The following ARHGEF38 variants were observed in gnomAD, a reference collection of about 807,000 sequenced individuals.
ARHGEF38 encodes Rho guanine nucleotide exchange factor (GEF) 38.
In ARHGEF38, 79 loss-of-function variants were observed where a neutral mutation model predicts 79.9. That is an observed-to-expected ratio of 0.99 (90% CI 0.82 to 1.19). ARHGEF38 has a LOEUF of 1.19. Ranked by LOEUF, ARHGEF38 falls within the 50% of genes most tolerant of loss-of-function variation. ARHGEF38 has a pLI of 0.00. For synonymous variants in ARHGEF38, 366 were observed against 328.3 expected (o/e 1.11, Z -1.24); for missense variants, 962 against 907.2 (o/e 1.06, Z -0.78).
intron 1 of ARHGEF38, among the ~76,000 whole-genome samples, chr4:105,554,954 T>C (rs889662109): frequency 9.2e-5 from 14 of 152,112 alleles, no homozygotes; most frequent in African/African-American, 3.4e-4. Flanking sequence ...GTTTTTTCTG[T>C]CTGAGTTTCA....
chr4:105,653,199 G>A (rs1408663648), intron 7 of ARHGEF38, among the ~76,000 whole-genome samples: 2 of 151,684 alleles, frequency 1.3e-5, no homozygotes, highest in Non-Finnish European at 2.9e-5. Context: ...CATGTAAGAT[G>A]ACAAAAAAAA....
chr4:105,679,595 T>C lies in ARHGEF38; in HGVS notation c.*1658T>C, dbSNP rs1731241045. 3 of 913,782 alleles carry C rather than the reference T, an allele frequency of 3.3e-6. No individual in the cohort carries two copies. The highest frequency in any genetic ancestry group is 1.3e-5 in the South Asian group (1 of 76,928). 56.6% of individuals were successfully genotyped at this position (913,782 alleles called of 1,614,324 possible). A position where few individuals can be genotyped will look rare whatever the true frequency, so the allele number is the denominator to read the frequency against. The stretch of plus-strand genomic sequence containing the variant: ...TCTCTTCTATCAGTATCTGAGCTGA[T>C]GGTTGGAAAAAAATCAACAGCAGCA... On this transcript the variant is annotated 3_prime_UTR_variant, in exon 14 of 14. Coordinates refer to ENST00000420470, the MANE Select transcript of ARHGEF38 (RefSeq NM_001242729.2).
chr4:105,645,399 C>T lies in ARHGEF38; in HGVS notation c.874+12C>T, dbSNP rs757288470. On this transcript the variant is annotated intron_variant, in intron 6 of 13. Coordinates refer to ENST00000420470, the MANE Select transcript of ARHGEF38 (RefSeq NM_001242729.2). ...AAGGAAAGATTTAGGTAGGAAGAGA[C>T]ATGATGAATTGGTTGTTTTCCATTA... 2.5e-5 allele frequency: 37 copies of T among 1,500,710 alleles called. No individual in the cohort carries two copies. The South Asian group carries it at 4.5e-4, about 18-fold the overall frequency. 93.0% of individuals were successfully genotyped at this position (1,500,710 alleles called of 1,614,324 possible). A position where few individuals can be genotyped will look rare whatever the true frequency, so the allele number is the denominator to read the frequency against.
chr4:105,552,755 C>A lies in ARHGEF38; in HGVS notation c.-11C>A. On this transcript the variant is annotated 5_prime_UTR_variant, in exon 1 of 14. Transcript: ENST00000420470. ...TTGCCTGCAAGCCTCCAAAGCTTGT[C>A]TTTGCCTAATATGGAGCCCAAAGAA... The A allele has an allele frequency of 1.3e-6, 2 of 1,599,664 alleles. No individual in the cohort carries two copies. The highest frequency in any genetic ancestry group is 1.1e-5 in the South Asian group (1 of 88,184).
chr4:105,642,828 A>T (rs569023395), intron 5 of ARHGEF38, among the ~76,000 whole-genome samples: 2 of 152,300 alleles, frequency 1.3e-5, no homozygotes, highest in South Asian at 4.1e-4. Context: ...ATGTTTGATT[A>T]TATTTTGATA....
chr4:105,603,797 C>T (rs72669982), intron 2 of ARHGEF38, among the ~76,000 whole-genome samples: 9,214 of 152,196 alleles, frequency 0.061, 302 homozygotes, highest in Middle Eastern at 0.12. Context: ...CCATCACTTT[C>T]CTACTGCCAC....
intron 4 of ARHGEF38, among the ~76,000 whole-genome samples, chr4:105,635,315 C>T (rs1388134185): frequency 6.6e-6 from 1 of 152,020 alleles, no homozygotes. Flanking sequence ...AGTGCCACTA[C>T]TCCACAGATT....
At chr4:105,639,234 A>AT (rs561292346) in intron 5 of ARHGEF38, among the ~76,000 whole-genome samples, 6 of 151,900 alleles carry the variant, frequency 3.9e-5, no homozygotes, top group Non-Finnish European at 7.4e-5. Context: ...TGAGATGTTC[A>AT]TTTTTTCTAA....
intron 13 of ARHGEF38, among the ~76,000 whole-genome samples, chr4:105,675,810 C>T (rs946084002): frequency 6.6e-6 from 1 of 152,126 alleles, no homozygotes; most frequent in Admixed American, 6.5e-5. Flanking sequence ...TCTCATTGGG[C>T]CCTCACATGG....
chr4:105,580,477 A>G (rs1468362153), intron 1 of ARHGEF38, among the ~76,000 whole-genome samples: 1 of 152,118 alleles, frequency 6.6e-6, no homozygotes, highest in African/African-American at 2.4e-5. Flanking sequence ...TATTTACCCA[A>G]AAGTCATTCA....
intron 2 of ARHGEF38, among the ~76,000 whole-genome samples, chr4:105,604,931 A>T (rs538359461): frequency 2.0e-4 from 30 of 152,160 alleles, no homozygotes; most frequent in Non-Finnish European, 4.0e-4. Flanking sequence ...TTTCCAAATT[A>T]CTTTCTCTAT....
At chr4:105,553,058 A>G in intron 1 of ARHGEF38, 97 bp downstream of exon 1, 2 of 903,784 alleles carry the variant, frequency 2.2e-6, no homozygotes, top group South Asian at 4.0e-5. Context: ...GCAGAGGGGA[A>G]AATTGAATAC....
At chr4:105,655,530 T>C in intron 8 of ARHGEF38, 73 bp from the exon 9 acceptor site, 1 of 1,451,584 alleles carries the variant, frequency 6.9e-7, no homozygotes. Context: ...GCTGATGAAG[T>C]CCACATTTGG....
chr4:105,571,753 C>T (rs934159728), intron 1 of ARHGEF38, among the ~76,000 whole-genome samples: 9 of 152,166 alleles, frequency 5.9e-5, no homozygotes, highest in African/African-American at 1.9e-4. Flanking sequence ...TGTTCCTTTT[C>T]GAATTGGCAG....
chr4:105,632,423 C>T (rs1398732089), intron 4 of ARHGEF38, among the ~76,000 whole-genome samples: 2 of 152,060 alleles, frequency 1.3e-5, no homozygotes, highest in Non-Finnish European at 2.9e-5. Context: ...GAGCAAGTAG[C>T]TCTAGTTAAT....
chr4:105,679,225 G>C lies in ARHGEF38; in HGVS notation c.*1288G>C, dbSNP rs1377206198. On this transcript the variant is annotated 3_prime_UTR_variant, in exon 14 of 14. Transcript: ENST00000420470. ...GCCACTCCTCTGTCTGGAATTAAAA[G>C]ATGTTTCCATCATAATATTCTTTAA... 4.5e-6 allele frequency: 3 copies of C among 663,260 alleles called. No individual in the cohort carries two copies. The highest frequency in any genetic ancestry group is 1.8e-5 in the African/African-American group (1 of 54,748). The allele number at this position is 663,260 out of a possible 1,614,324, so 41.1% of individuals were successfully genotyped here.
intron 7 of ARHGEF38, among the ~76,000 whole-genome samples, chr4:105,649,747 A>T (rs1337810053): frequency 6.6e-6 from 1 of 152,104 alleles, no homozygotes; most frequent in African/African-American, 2.4e-5. Context: ...GCAGCTTTCC[A>T]ACCACTTAGG....
intron 2 of ARHGEF38, among the ~76,000 whole-genome samples, chr4:105,610,860 A>T (rs1267458096): frequency 6.6e-6 from 1 of 152,128 alleles, no homozygotes; most frequent in African/African-American, 2.4e-5. Flanking sequence ...AAACAGATAT[A>T]CAGGAAACTG....
Position 105,677,894 on chromosome 4 carries a change from G to T in ARHGEF38, c.2291G>T (p.Gly764Val). The T allele has an allele frequency of 7.8e-6, 12 of 1,533,552 alleles. No individual in the cohort carries two copies. The highest frequency in any genetic ancestry group is 1.0e-5 in the Non-Finnish European group (12 of 1,145,204). 95.0% of individuals were successfully genotyped at this position (1,533,552 alleles called of 1,614,324 possible). A position where few individuals can be genotyped will look rare whatever the true frequency, so the allele number is the denominator to read the frequency against. ...TTAGCTGAAGCTCAAGGGCAGAAAG[G>T]ATACGTGCCAGCTAACTACCTTGGA... ...WWLAEAQGQK[G>V]YVPANYLGKM... The change falls in exon 14 of 14, where the codon GGA becomes GTA. Residue 764 changes from glycine (G) to valine (V), a missense_variant. Gly to Val is a moderately radical substitution (Grantham distance 109). Coordinates refer to ENST00000420470, the MANE Select transcript of ARHGEF38 (RefSeq NM_001242729.2).
Sources: allele counts gnomAD v4.1 joint callset (sites outside exome capture counted in the v4.1 genomes callset), GRCh38; gene constraint gnomAD v4.1.1; transcripts MANE v1.5; gene names NCBI Gene and HGNC (gene_info 2026-07-23, HGNC 2026-07-21).